The following BOD1L1 variants were observed in gnomAD, a reference collection of about 807,000 sequenced individuals.
BOD1L1 encodes the protein biorientation of chromosomes in cell division protein 1-like 1.
A neutral mutation model predicts 240.7 loss-of-function variants in BOD1L1; 86 were observed. The observed-to-expected ratio is 0.36, with a 90% confidence interval of 0.30 to 0.43. BOD1L1 has a LOEUF of 0.43. Among genes scored for constraint, BOD1L1 ranks in the 20% least tolerant of loss-of-function variants. The probability of loss-of-function intolerance (pLI) is 1.00; values close to 1 mark genes in which losing one functional copy is unlikely to be tolerated. For synonymous variants in BOD1L1, 1,268 were observed against 1,272.3 expected (o/e 1.00, Z 0.07); for missense variants, 3,554 against 3,643.5 (o/e 0.98, Z 0.63).
rs1712856117 is a variant in BOD1L1, at chr4:13,577,499, A to C, written c.8800-12T>G. ...TCTTCACCATCATCCTAGAAGCAATAAAATTAAAGTCAAAAGGGTGGTCAG... is the reference window on the plus strand; with the variant it reads ...TCTTCACCATCATCCTAGAAGCAATCAAATTAAAGTCAAAAGGGTGGTCAG... On this transcript the variant is annotated splice_polypyrimidine_tract_variant and intron_variant, in intron 23 of 25. Coordinates refer to ENST00000040738, the MANE Select transcript of BOD1L1 (RefSeq NM_148894.3). 1 of 1,612,468 alleles carries C rather than the reference A, an allele frequency of 6.2e-7. No homozygotes were observed. The highest frequency in any genetic ancestry group is 1.7e-5 in the Admixed American group (1 of 59,870).
At chr4:13,598,583 T>C (rs1231616456) in intron 10 of BOD1L1, among the ~76,000 whole-genome samples, 1 of 152,120 alleles carries the variant, frequency 6.6e-6, no homozygotes, top group Non-Finnish European at 1.5e-5. Flanking sequence ...TTTCATTGGG[T>C]TGTGGTAGGG....
At position 13,599,614 on chromosome 4, in the gene BOD1L1, T is replaced by C; in HGVS notation, c.7286A>G (p.Glu2429Gly). 1.9e-6 allele frequency: 3 copies of C among 1,614,050 alleles called. No individual in the cohort carries two copies. The highest frequency in any genetic ancestry group is 2.5e-6 in the Non-Finnish European group (3 of 1,179,906). The change falls in exon 10 of 26, where the codon GAA becomes GGA. Residue 2429 changes from glutamate (E) to glycine (G), a missense_variant. Transcript: ENST00000040738. ...GQGHPSAVCA[E>G]KEEKHGKECP... ...CTCCTTGCCATGCTTCTCTTCTTTT[T>C]CCGCACAAACAGCACTTGGATGGCC...
chr4:13,584,453 T>A lies in BOD1L1; in HGVS notation c.8434-1717A>T, dbSNP rs1469446487. Reference sequence around the variant, plus strand: ...GAAAGAGAGAGAGAGTGTGTGTGTGTGTGTGTGTGTGTGTGTGTGTGTGTG... The same window carrying A: ...GAAAGAGAGAGAGAGTGTGTGTGTGAGTGTGTGTGTGTGTGTGTGTGTGTG... On this transcript the variant is annotated intron_variant, in intron 17 of 25. Transcript: ENST00000040738. Among the ~76,000 whole-genome samples, 206 of 142,334 alleles carry A rather than the reference T, an allele frequency of 1.4e-3. 1 individual carries two copies. Among genetic ancestry groups the A allele is most frequent in the African/African-American group, 5.9e-3 (198 of 33,348 alleles). 93.4% of individuals were successfully genotyped at this position (142,334 alleles called of 152,430 possible). A position where few individuals can be genotyped will look rare whatever the true frequency, so the allele number is the denominator to read the frequency against.
chr4:13,594,756 A>G (rs765046059), intron 12 of BOD1L1, among the ~76,000 whole-genome samples: 220 of 152,170 alleles, frequency 1.4e-3, no homozygotes, highest in Non-Finnish European at 1.5e-3. Flanking sequence ...TTAGCTGGGC[A>G]TGGTGGTGTG....
chr4:13,603,958 G>A lies in BOD1L1; in HGVS notation c.2942C>T (p.Ala981Val), dbSNP rs1282334783. 1 of 1,613,718 alleles carries A rather than the reference G, an allele frequency of 6.2e-7. No individual in the cohort carries two copies. The highest frequency in any genetic ancestry group is 1.7e-5 in the Admixed American group (1 of 59,990). ...EPVLETASSSAHSTQKDSSHR... is the reference protein window; with the variant it reads ...EPVLETASSSVHSTQKDSSHR... ...ACTAGAATCCTTCTGTGTACTATGTGCTGAAGAAGAAGCAGTCTCTAATAC... is the reference window on the plus strand; with the variant it reads ...ACTAGAATCCTTCTGTGTACTATGTACTGAAGAAGAAGCAGTCTCTAATAC... The change falls in exon 10 of 26, where the codon GCA becomes GTA. Residue 981 changes from alanine (A) to valine (V), a missense_variant. Physicochemically the swap from Ala to Val is moderately conservative, Grantham distance 64. Transcript: ENST00000040738.
chr4:13,588,814 G>GA (rs142952587), intron 14 of BOD1L1, 22 bp from the exon 15 acceptor site: 69,187 of 1,486,214 alleles, frequency 0.047, 1,646 homozygotes, highest in African/African-American at 0.082. Flanking sequence ...ATACAAAAAA[G>GA]AAAAAAAAAT....
intron 1 of BOD1L1, among the ~76,000 whole-genome samples, chr4:13,620,589 T>C: frequency 6.6e-6 from 1 of 151,758 alleles, no homozygotes; most frequent in East Asian, 1.9e-4. Flanking sequence ...GACAGAGAGG[T>C]TGGGGCCAGG....
In BOD1L1 at chr4:13,609,287, A is replaced by G. The variant is rs373767658; in HGVS notation, c.1603+8T>C. The G allele has an allele frequency of 2.0e-6, 3 of 1,481,074 alleles. No individual in the cohort carries two copies. The highest frequency in any genetic ancestry group is 1.8e-6 in the Non-Finnish European group (2 of 1,113,758). 91.7% of individuals were successfully genotyped at this position (1,481,074 alleles called of 1,614,324 possible). A position where few individuals can be genotyped will look rare whatever the true frequency, so the allele number is the denominator to read the frequency against. Reference sequence around the variant, plus strand: ...ATAGTTTAAAATATTAAAAGTTGACATCTATACCTTGACCCTTGGTTTTTG... The same window carrying G: ...ATAGTTTAAAATATTAAAAGTTGACGTCTATACCTTGACCCTTGGTTTTTG... On this transcript the variant is annotated splice_region_variant and intron_variant, in intron 7 of 25. Coordinates refer to ENST00000040738, the MANE Select transcript of BOD1L1 (RefSeq NM_148894.3).
chr4:13,614,088 A>G lies in BOD1L1; in HGVS notation c.1174+108T>C, dbSNP rs974127738. 3 of 1,065,502 alleles carry G rather than the reference A, an allele frequency of 2.8e-6. No individual in the cohort carries two copies. The African/African-American group carries it at 4.9e-5, about 17-fold the overall frequency. 66.0% of individuals were successfully genotyped at this position (1,065,502 alleles called of 1,614,324 possible). A position where few individuals can be genotyped will look rare whatever the true frequency, so the allele number is the denominator to read the frequency against. On this transcript the variant is annotated intron_variant, in intron 4 of 25. Transcript: ENST00000040738. ...TTAAGCAAAGGGGATATAAGTTTCCAAAAGTATTAAATAAACTTATTAAAA... is the reference window on the plus strand; with the variant it reads ...TTAAGCAAAGGGGATATAAGTTTCCGAAAGTATTAAATAAACTTATTAAAA...
rs537703690 is a variant in BOD1L1, at chr4:13,601,887, T to G, written c.5013A>C (p.Ser1671=). The G allele has an allele frequency of 6.2e-7, 1 of 1,614,032 alleles. No individual in the cohort carries two copies. The highest frequency in any genetic ancestry group is 8.5e-7 in the Non-Finnish European group (1 of 1,179,894). Residue 1671 remains serine (S), a synonymous_variant, in exon 10 of 26, where the codon TCA becomes TCC. Coordinates refer to ENST00000040738, the MANE Select transcript of BOD1L1 (RefSeq NM_148894.3). ...AAGTAATAGTTCCTTCAACTATTTC[T>G]GAGTCTCTACTTAAAGAACCATCAC... ...EKCDGSLSRD[S]EIVEGTITFI... is the part of the protein sequence containing the mutation.
At chr4:13,584,349 T>TGC (rs142479579) in intron 17 of BOD1L1, among the ~76,000 whole-genome samples, 1 of 150,700 alleles carries the variant, frequency 6.6e-6, no homozygotes, top group African/African-American at 2.4e-5. Flanking sequence ...AAGTGCTCTG[T>TGC]GTGTGTGTGT....
rs1715427307 is a variant in BOD1L1 at position 13,603,754 on chromosome 4, T to C, written c.3146A>G (p.Asp1049Gly). The change falls in exon 10 of 26, where the codon GAC becomes GGC. Residue 1049 changes from aspartate (D) to glycine (G), a missense_variant. Asp to Gly is a moderately conservative substitution (Grantham distance 94, BLOSUM62 -1). Around this residue, in one of 2 missense-constraint regions of BOD1L1, gnomAD observed 3,393 missense variants for 3,427.1 expected, o/e 0.99. Coordinates refer to ENST00000040738, the MANE Select transcript of BOD1L1 (RefSeq NM_148894.3). ...ACCTCTGGCCTTTTCATGACTACTG[T>C]CAACTTCTTTACCATCCTTGTCATC... is the stretch of plus-strand genomic sequence containing the variant. ...KSDDKDGKEV[D>G]SSHEKARGNS... The C allele has an allele frequency of 6.2e-7, 1 of 1,613,914 alleles. No individual in the cohort carries two copies. The highest frequency in any genetic ancestry group is 2.2e-5 in the East Asian group (1 of 44,884).
chr4:13,594,609 GAGCGCAGTGGC>G (rs1714469363), intron 12 of BOD1L1, among the ~76,000 whole-genome samples: 1 of 152,136 alleles, frequency 6.6e-6, no homozygotes, highest in South Asian at 2.1e-4. Flanking sequence ...ACCATTGGCC[GAGCGCAGTGGC>G]TTTCAGTGGC....
chr4:13,601,763 T>A lies in BOD1L1; in HGVS notation c.5137A>T (p.Asn1713Tyr). 1 of 1,613,988 alleles carries A rather than the reference T, an allele frequency of 6.2e-7. No homozygotes were observed. The highest frequency in any genetic ancestry group is 8.5e-7 in the Non-Finnish European group (1 of 1,179,882). ...TTTTTGGGACCCATTCTCATCATAT[T>A]TCCCTGGGAGCCATCCACCTCTTCA... Reference protein sequence around the residue: ...SSEEVDGSQGNMMRMGPKKET... With the variant: ...SSEEVDGSQGYMMRMGPKKET... Residue 1713 changes from asparagine (N) to tyrosine (Y), a missense_variant, in exon 10 of 26, where the codon AAT becomes TAT. By Grantham distance (143) the Asn-to-Tyr change is moderately radical. This residue lies in a region of BOD1L1 where 3,393 missense variants were observed against 3,427.1 expected (regional missense o/e 0.99). Transcript: ENST00000040738.
intron 8 of BOD1L1, 45 bp downstream of exon 8, chr4:13,608,485 C>A: frequency 6.9e-7 from 1 of 1,441,088 alleles, no homozygotes; most frequent in Non-Finnish European, 9.1e-7. Context: ...CTGAAAGCAC[C>A]CAGGGGAGTG....
rs1716357275 is a variant in BOD1L1 at position 13,613,679 on chromosome 4, AAC to A, written c.1175-20_1175-19del. On this transcript the variant is annotated intron_variant, in intron 4 of 25. Coordinates refer to ENST00000040738, the MANE Select transcript of BOD1L1 (RefSeq NM_148894.3). This position sits in a 1 kb window ranked among gnomAD's most constrained non-coding sequence, Gnocchi z 4.0. ...AGAGAAATCTTCAAGCGGAAAATAA[AAC>A]ACAGAAAAAAAAATCATCTTATTAT... 1 of 1,494,252 alleles carries A rather than the reference AAC, an allele frequency of 6.7e-7. No homozygotes were observed. The highest frequency in any genetic ancestry group is 9.0e-7 in the Non-Finnish European group (1 of 1,110,528). 92.6% of individuals were successfully genotyped at this position (1,494,252 alleles called of 1,614,324 possible).
In BOD1L1 at chr4:13,614,765, A is replaced by T; in HGVS notation, c.605T>A (p.Met202Lys). ...AGAAGTTATGGTTTCCAATATCGAC[A>T]TGGCATCATTGGCTACATTAGCACT... is the stretch of plus-strand genomic sequence containing the variant. Reference protein sequence around the residue: ...GPSANVANDAMSILETITSLN... With the variant: ...GPSANVANDAKSILETITSLN... Residue 202 changes from methionine (M) to lysine (K), a missense_variant, in exon 4 of 26, where the codon ATG (methionine) becomes AAG (lysine). Met to Lys is a moderately conservative substitution (Grantham distance 95). Around this residue, in one of 2 missense-constraint regions of BOD1L1, gnomAD observed 3,393 missense variants for 3,427.1 expected, o/e 0.99. Transcript: ENST00000040738. 6.2e-7 allele frequency: 1 copy of T among 1,613,784 alleles called. No individual in the cohort carries two copies. Among genetic ancestry groups the T allele is most frequent in the South Asian group, 1.1e-5 (1 of 91,072 alleles).
At chr4:13,583,674 T>C (rs987071121) in intron 17 of BOD1L1, among the ~76,000 whole-genome samples, 2 of 152,240 alleles carry the variant, frequency 1.3e-5, no homozygotes, top group African/African-American at 4.8e-5. Flanking sequence ...CTTCTGCTAC[T>C]TCCTAGTAAA....
rs1026387590 is a variant in BOD1L1, at chr4:13,587,758, T to C, written c.8294A>G (p.Glu2765Gly). Residue 2765 changes from glutamate (E) to glycine (G), a missense_variant, in exon 16 of 26, where the codon GAA (glutamate) becomes GGA (glycine). Transcript: ENST00000040738. Reference sequence around the variant, plus strand: ...TCTTTTTCTTTTAGGCATATGCCTTTCTTCCTCTTCAACCTGGAATTAAGA... The same window carrying C: ...TCTTTTTCTTTTAGGCATATGCCTTCCTTCCTCTTCAACCTGGAATTAAGA... The part of the protein sequence containing the change: ...EADPKEVEEE[E>G]RHMPKRKRKQ... 2 of 1,555,482 alleles carry C rather than the reference T, an allele frequency of 1.3e-6. No individual in the cohort carries two copies. Among genetic ancestry groups the C allele is most frequent in the African/African-American group, 2.7e-5 (2 of 73,696 alleles).
Sources: allele counts gnomAD v4.1 joint callset (sites outside exome capture counted in the v4.1 genomes callset), GRCh38; gene constraint gnomAD v4.1.1; regional missense constraint gnomAD v4.1.1; non-coding constraint Gnocchi (gnomAD v3.1); transcripts MANE v1.5; gene names NCBI Gene and HGNC (gene_info 2026-07-23, HGNC 2026-07-21).